Variants in KIF9 observed in about 807,000 individuals in gnomAD.
KIF9 encodes the protein kinesin family member 9, also known as kinesin-like protein KIF9.
A neutral mutation model predicts 94.8 loss-of-function variants in KIF9; 68 were observed. The observed-to-expected ratio is 0.72, with a 90% CI of 0.59 to 0.88. KIF9 has a LOEUF of 0.88. KIF9 is among the 40% of genes least tolerant of loss of function. The pLI, the probability that KIF9 is intolerant of heterozygous loss-of-function variation, is 0.00. For missense variants in KIF9, 882 were observed against 982.5 expected (o/e 0.90, Z 1.37); for synonymous variants, 343 against 362.1 (o/e 0.95, Z 0.60).
rs183124630 is a variant in KIF9, at chr3:47,250,530, C to T, written c.1060-2444G>A. 8 of 451,384 alleles carry T rather than the reference C, an allele frequency of 1.8e-5. No homozygotes were observed. In the East Asian group the frequency reaches 2.5e-4, roughly 14 times the overall value. 28.0% of individuals were successfully genotyped at this position (451,384 alleles called of 1,614,324 possible). ...ATGATACTTTTTTTTTCAGATCAGACGGGTAATGTGCCAATGTCGTAACAA... is the reference window on the plus strand; with the variant it reads ...ATGATACTTTTTTTTTCAGATCAGATGGGTAATGTGCCAATGTCGTAACAA... On this transcript the variant is annotated intron_variant, in intron 10 of 20. Transcript: ENST00000684063.
chr3:47,228,758 G>C (rs1158104759), intron 20 of KIF9, 56 bp from the exon 21 acceptor site: 40 of 1,428,416 alleles, frequency 2.8e-5, no homozygotes, highest in Non-Finnish European at 3.7e-5. Flanking sequence ...GACATAGCAG[G>C]GACTCAGACC....
At chr3:47,242,870 C>A (rs1217905347) in intron 16 of KIF9, 181 bp downstream of exon 16, 1 of 483,840 alleles carries the variant, frequency 2.1e-6, no homozygotes, top group Non-Finnish European at 3.6e-6. Flanking sequence ...TCTTGGATGA[C>A]TCCTGAGGTT....
intron 1 of KIF9, chr3:47,282,130 G>T: frequency 1.1e-6 from 1 of 947,134 alleles, no homozygotes; most frequent in Non-Finnish European, 1.3e-6. Context: ...CTCTGGAGAG[G>T]TTTCCTCACC....
At chr3:47,277,993 A>AGTGTGT (rs147140971) in intron 1 of KIF9, among the ~76,000 whole-genome samples, 10,343 of 150,174 alleles carry the variant, frequency 0.069, 1,150 homozygotes, top group African/African-American at 0.24. Flanking sequence ...ATTTTCTTTC[A>AGTGTGT]GTGTGTGTGT....
intron 3 of KIF9, among the ~76,000 whole-genome samples, chr3:47,274,127 T>C (rs1163909096): frequency 6.6e-6 from 1 of 151,876 alleles, no homozygotes; most frequent in East Asian, 1.9e-4. Flanking sequence ...AGAGATGGAG[T>C]GGAAAGGGCA....
At position 47,257,513 on chromosome 3, in the gene KIF9, C is replaced by T; in HGVS notation, c.1029G>A (p.Glu343=). 3.1e-6 allele frequency: 5 copies of T among 1,614,010 alleles called. No homozygotes were observed. Among genetic ancestry groups the T allele is most frequent in the Non-Finnish European group, 3.4e-6 (4 of 1,180,012 alleles). The change falls in exon 10 of 21, where the codon GAG becomes GAA. Residue 343 remains glutamate, a synonymous_variant. Transcript: ENST00000684063. ...FASRMKLVTT[E]PAINEKYDAE... The stretch of plus-strand genomic sequence containing the variant: ...CATCATACTTTTCATTGATGGCAGG[C>T]TCAGTGGTGACTAGCTTCATCCTGC...
chr3:47,248,105 G>C lies in KIF9; in HGVS notation c.1060-19C>G, dbSNP rs1700044214. ...CCATTCTCTGCCGGGAAACATGGTA[G>C]GGTGGGGGCCGACAGGAAGGATCAT... is the stretch of plus-strand genomic sequence containing the variant. On this transcript the variant is annotated intron_variant, in intron 10 of 20. Coordinates refer to ENST00000684063, the MANE Select transcript of KIF9 (RefSeq NM_182902.4). 3 of 1,600,272 alleles carry C rather than the reference G, an allele frequency of 1.9e-6. No individual in the cohort carries two copies. The highest frequency in any genetic ancestry group is 2.7e-5 in the African/African-American group (2 of 74,646).
chr3:47,248,228 G>GCTT (rs1700051840), intron 10 of KIF9, 142 bp from the exon 11 acceptor site: 2 of 686,510 alleles, frequency 2.9e-6, no homozygotes, highest in Non-Finnish European at 5.1e-6. Context: ...TATGCTTTCA[G>GCTT]CTTCTGGTGA....
At chr3:47,280,927 G>A (rs1426658180) in intron 1 of KIF9, 1 of 702,840 alleles carries the variant, frequency 1.4e-6, no homozygotes, top group Non-Finnish European at 2.6e-6. Context: ...AAACATTTAG[G>A]GACCCCATGC....
At chr3:47,279,310 T>A (rs1702173779) in intron 1 of KIF9, among the ~76,000 whole-genome samples, 1 of 148,160 alleles carries the variant, frequency 6.7e-6, no homozygotes, top group Non-Finnish European at 1.5e-5. Context: ...CTGTTTCCAC[T>A]AAAAAAAAAT....
In KIF9 at chr3:47,249,319, T is replaced by A. The variant is rs572711728; in HGVS notation, c.1060-1233A>T. ...TGCCACCACGCCCGGCTAATTTTTG[T>A]ATTTTTAGTAGAGATGGGGTTTTAC... On this transcript the variant is annotated intron_variant, in intron 10 of 20. Coordinates refer to ENST00000684063, the MANE Select transcript of KIF9 (RefSeq NM_182902.4). 5.9e-3 allele frequency among the ~76,000 whole-genome samples: 896 copies of A among 151,994 alleles called. 9 individuals carry two copies. The highest frequency in any genetic ancestry group is 0.024 in the Middle Eastern group (7 of 294).
chr3:47,280,344 G>C (rs1446940625), intron 1 of KIF9, among the ~76,000 whole-genome samples: 3 of 152,228 alleles, frequency 2.0e-5, no homozygotes, highest in Admixed American at 6.5e-5. Flanking sequence ...AAGCAGGGGA[G>C]CTCTGGGAGC....
intron 1 of KIF9, among the ~76,000 whole-genome samples, chr3:47,279,248 A>AGGTG (rs2107534122): frequency 6.6e-6 from 1 of 150,758 alleles, no homozygotes; most frequent in East Asian, 2.0e-4. Context: ...TGAGGATGGC[A>AGGTG]GATTACCTGA....
Position 47,265,845 on chromosome 3 carries a change from G to A in KIF9, c.801C>T (p.Tyr267=). ...CCAGGAATGAGAGCGATTTGTTGAT[G>A]TAGGTGGCTTCCTTCAGGACTTGGC... ...SEGQVLKEAT[Y]INKSLSFLEQ... Residue 267 remains tyrosine (Y), a synonymous_variant, in exon 8 of 21, where the codon TAC becomes TAT. Coordinates refer to ENST00000684063, the MANE Select transcript of KIF9 (RefSeq NM_182902.4). The A allele has an allele frequency of 1.2e-6, 2 of 1,614,206 alleles. No individual in the cohort carries two copies. The highest frequency in any genetic ancestry group is 1.1e-5 in the South Asian group (1 of 91,084).
In KIF9 at chr3:47,267,080, C is replaced by T; in HGVS notation, c.676-12G>A. ...GTCCGGGAATGGGCCTACAAAACAT[C>T]CAAGCAGAAGTTAGACTGTCACAGG... On this transcript the variant is annotated splice_polypyrimidine_tract_variant and intron_variant, in intron 6 of 20. Transcript: ENST00000684063. 1 of 1,612,468 alleles carries T rather than the reference C, an allele frequency of 6.2e-7. No homozygotes were observed. The highest frequency in any genetic ancestry group is 8.5e-7 in the Non-Finnish European group (1 of 1,178,754).
chr3:47,247,898 C>G, intron 11 of KIF9, 120 bp downstream of exon 11: 1 of 779,158 alleles, frequency 1.3e-6, no homozygotes, highest in South Asian at 1.5e-5. Flanking sequence ...ACTGAGCCTG[C>G]CCCCCAACCC....
chr3:47,239,784 CCT>C (rs903669656), intron 17 of KIF9: 9 of 1,363,538 alleles, frequency 6.6e-6, no homozygotes, highest in African/African-American at 1.5e-5. Context: ...AAATGCACCC[CCT>C]GTGAGTGAGA....
chr3:47,236,018 C>A lies in KIF9; in HGVS notation c.2217+16G>T, dbSNP rs761141751. 6.3e-7 allele frequency: 1 copy of A among 1,582,608 alleles called. No individual in the cohort carries two copies. The highest frequency in any genetic ancestry group is 2.2e-5 in the East Asian group (1 of 44,730). On this transcript the variant is annotated intron_variant, in intron 19 of 20. Coordinates refer to ENST00000684063, the MANE Select transcript of KIF9 (RefSeq NM_182902.4). ...ATGTTCAACCACTGCCACACCCCTGCCCCTGTGCCGCTCACCAGAGACACA... is the reference window on the plus strand; with the variant it reads ...ATGTTCAACCACTGCCACACCCCTGACCCTGTGCCGCTCACCAGAGACACA...
At chr3:47,243,885 G>C (rs1699747833) in intron 15 of KIF9, 1 of 152,276 alleles carries the variant, frequency 6.6e-6, no homozygotes, top group South Asian at 2.1e-4. Flanking sequence ...CTTGCAACGA[G>C]TATGGCTCAG....
Sources: gnomAD v4.1 joint callset for allele counts (sites outside exome capture counted in the v4.1 genomes callset) on GRCh38, gnomAD v4.1.1 for gene constraint, MANE v1.5 for transcripts, NCBI Gene and HGNC (gene_info 2026-07-23, HGNC 2026-07-21) for gene names.